Variants in TTLL5 observed in about 807,000 individuals in gnomAD.
TTLL5 encodes tubulin polyglutamylase TTLL5.
TTLL5 carries 132 observed loss-of-function variants against 168.4 expected under a neutral mutation model. The ratio of observed to expected loss-of-function variants is 0.78; its 90% CI spans 0.68 to 0.91. TTLL5 has a LOEUF of 0.91. TTLL5 is among the 40% of genes least tolerant of loss of function. The probability of loss-of-function intolerance (pLI) is 0.00; values close to 1 mark genes in which losing one functional copy is unlikely to be tolerated. For synonymous variants in TTLL5, 546 were observed against 558.6 expected, an observed-to-expected ratio of 0.98 and a Z score of 0.32; for missense variants, 1,545 against 1,581.5, an observed-to-expected ratio of 0.98 and a Z score of 0.39.
At chr14:75,829,548 C>G (rs1196380701) in intron 28 of TTLL5, among the ~76,000 whole-genome samples, 1 of 150,474 alleles carries the variant, frequency 6.6e-6, no homozygotes. Context: ...TAATACTGTC[C>G]TATACATTTA....
chr14:75,849,016 CA>C (rs1382917176), intron 28 of TTLL5, among the ~76,000 whole-genome samples: 16 of 152,310 alleles, frequency 1.1e-4, no homozygotes, highest in African/African-American at 3.8e-4. Flanking sequence ...TATCCATTGT[CA>C]GGTCCAGCTG....
intron 7 of TTLL5, among the ~76,000 whole-genome samples, chr14:75,704,906 TGGGCATGGGC>T (rs1886543260): frequency 1.3e-5 from 2 of 152,156 alleles, no homozygotes; most frequent in Admixed American, 1.3e-4. Flanking sequence ...GGAGAGGAAA[TGGGCATGGGC>T]GTTAGATGTG....
At chr14:75,893,417 A>G (rs1368277903) in intron 30 of TTLL5, among the ~76,000 whole-genome samples, 1 of 152,258 alleles carries the variant, frequency 6.6e-6, no homozygotes, top group Non-Finnish European at 1.5e-5. Context: ...GAGTACCAGC[A>G]TTCTTCTCCT....
intron 6 of TTLL5, 31 bp from the exon 7 acceptor site, chr14:75,699,157 T>A: frequency 7.0e-6 from 11 of 1,576,022 alleles, no homozygotes; most frequent in Non-Finnish European, 9.6e-6. Context: ...CTTTGTTTCC[T>A]CTGTTTTTTA....
At chr14:75,884,704 T>G (rs1310322184) in intron 30 of TTLL5, among the ~76,000 whole-genome samples, 1 of 152,174 alleles carries the variant, frequency 6.6e-6, no homozygotes, top group Non-Finnish European at 1.5e-5. Context: ...TGAAGCTAAG[T>G]TAATACTAAT....
rs139705240 is a variant in TTLL5 at position 75,947,868 on chromosome 14, A to T, written c.3824-6556A>T. On this transcript the variant is annotated intron_variant, in intron 31 of 31. Transcript: ENST00000298832. The stretch of plus-strand genomic sequence containing the variant: ...GCGCATCCCCATGCTTGAGCCCAGG[A>T]GGTTTAGGCTGCAGTGAGCTGTGTT... Among the ~76,000 whole-genome samples the T allele has an allele frequency of 3.5e-3, 529 of 150,936 alleles. 4 individuals carry two copies. Among genetic ancestry groups the T allele is most frequent in the African/African-American group, 0.012 (490 of 41,058 alleles).
chr14:75,791,264 T>G (rs1322920422), intron 26 of TTLL5, among the ~76,000 whole-genome samples: 1 of 152,182 alleles, frequency 6.6e-6, no homozygotes, highest in Admixed American at 6.5e-5. Flanking sequence ...GCTGCGTTGT[T>G]TATAATGGCA....
intron 30 of TTLL5, among the ~76,000 whole-genome samples, chr14:75,890,906 A>T (rs1246650100): frequency 6.6e-6 from 1 of 152,126 alleles, no homozygotes. Flanking sequence ...TTTTTAGTAG[A>T]GACGGGGTTT....
chr14:75,778,165 T>C (rs1891831348), intron 23 of TTLL5, among the ~76,000 whole-genome samples: 1 of 152,172 alleles, frequency 6.6e-6, no homozygotes, highest in South Asian at 2.1e-4. Flanking sequence ...TTATAACATA[T>C]TGTTAACTAA....
At chr14:75,740,416 C>A (rs964577598) in intron 15 of TTLL5, among the ~76,000 whole-genome samples, 3 of 151,994 alleles carry the variant, frequency 2.0e-5, no homozygotes, top group Non-Finnish European at 4.4e-5. Flanking sequence ...AAGATTAGTA[C>A]CTCATTTGGT....
chr14:75,698,585 A>G (rs1488726947), intron 6 of TTLL5, among the ~76,000 whole-genome samples: 1 of 152,116 alleles, frequency 6.6e-6, no homozygotes, highest in African/African-American at 2.4e-5. Context: ...TATTTGCCTT[A>G]TTTTGTTTTC....
chr14:75,822,439 T>C (rs59671), intron 28 of TTLL5, among the ~76,000 whole-genome samples: 18,441 of 152,206 alleles, frequency 0.12, 1,485 homozygotes, highest in East Asian at 0.4. Context: ...AAATAAAAGT[T>C]ACTCTCAATA....
chr14:75,671,008 T>G (rs1883697028), intron 3 of TTLL5, among the ~76,000 whole-genome samples: 1 of 152,202 alleles, frequency 6.6e-6, no homozygotes, highest in Non-Finnish European at 1.5e-5. Flanking sequence ...TGCTTTTTTC[T>G]AAGAGTTTTA....
chr14:75,944,631 C>A (rs2034711842), intron 31 of TTLL5, among the ~76,000 whole-genome samples: 1 of 152,182 alleles, frequency 6.6e-6, no homozygotes, highest in Admixed American at 6.5e-5. Flanking sequence ...ATGAGCAGGG[C>A]AAGAGAGGGC....
At chr14:75,862,240 G>A (rs376410591) in intron 28 of TTLL5, among the ~76,000 whole-genome samples, 70 of 152,286 alleles carry the variant, frequency 4.6e-4, no homozygotes, top group African/African-American at 1.6e-3. Flanking sequence ...ATCTGTTGAT[G>A]GACATTTGGG....
rs1184026527 is a variant in TTLL5 at position 75,776,753 on chromosome 14, G to A, written c.2290G>A (p.Glu764Lys). 4 of 1,613,524 alleles carry A rather than the reference G, an allele frequency of 2.5e-6. No homozygotes were observed. Among genetic ancestry groups the A allele is most frequent in the Non-Finnish European group, 3.4e-6 (4 of 1,179,656 alleles). ...DFIIVYNKET[E>K]QMAEKKSKKK... ...GGGTTTGGGCACTGGGTAGGAAACAGAACAAATGGCTGAAAAGAAATCAAA... is the reference window on the plus strand; with the variant it reads ...GGGTTTGGGCACTGGGTAGGAAACAAAACAAATGGCTGAAAAGAAATCAAA... Residue 764 changes from glutamate (E) to lysine (K), a missense_variant, in exon 23 of 32, where the codon GAA (glutamate) becomes AAA (lysine). Physicochemically the swap from Glu to Lys is moderately conservative, Grantham distance 56. Transcript: ENST00000298832.
intron 27 of TTLL5, among the ~76,000 whole-genome samples, chr14:75,801,214 G>A (rs957011866): frequency 1.3e-5 from 2 of 152,142 alleles, no homozygotes; most frequent in African/African-American, 4.8e-5. Flanking sequence ...TTGCTGTGGG[G>A]GATGGGGGTG....
chr14:75,748,682 A>G (rs893899964), intron 17 of TTLL5, among the ~76,000 whole-genome samples: 2 of 152,252 alleles, frequency 1.3e-5, no homozygotes, highest in Non-Finnish European at 2.9e-5. Context: ...GAAAAAAGAT[A>G]AAGCTAAATT....
intron 30 of TTLL5, among the ~76,000 whole-genome samples, chr14:75,884,669 C>T (rs1186269106): frequency 6.6e-6 from 1 of 152,090 alleles, no homozygotes; most frequent in Non-Finnish European, 1.5e-5. Flanking sequence ...TTCCAATTTG[C>T]CTCTAAAACT....
Sources: allele counts gnomAD v4.1 joint callset (sites outside exome capture counted in the v4.1 genomes callset), GRCh38; gene constraint gnomAD v4.1.1; transcripts MANE v1.5; gene names NCBI Gene and HGNC (gene_info 2026-07-23, HGNC 2026-07-21).